Variants in PCDHA2 observed in about 807,000 individuals in gnomAD.
PCDHA2 encodes the protein protocadherin alpha 2.
A neutral mutation model predicts 66.0 loss-of-function variants in PCDHA2; 58 were observed. The observed-to-expected ratio is 0.88, with a 90% CI of 0.71 to 1.09. The LOEUF is 1.09. Ranked by LOEUF, PCDHA2 falls within the 50% of genes least tolerant of loss-of-function variation. The pLI, the probability that PCDHA2 is intolerant of heterozygous loss-of-function variation, is 0.00. For synonymous variants in PCDHA2, 634 were observed against 554.0 expected, an observed-to-expected ratio of 1.14 and a Z score of -2.03; for missense variants, 1,267 against 1,242.3, an observed-to-expected ratio of 1.02 and a Z score of -0.30.
chr5:140,849,741 G>A, intron 1 of PCDHA2: 2 of 1,598,488 alleles, frequency 1.3e-6, no homozygotes, highest in Non-Finnish European at 8.6e-7. Context: ...TCTGGACCGC[G>A]AGAGTGTGTC....
chr5:140,902,666 C>A (rs1554190555), intron 1 of PCDHA2, among the ~76,000 whole-genome samples: 1 of 152,122 alleles, frequency 6.6e-6, no homozygotes, highest in Non-Finnish European at 1.5e-5. Context: ...GTCACCCAAG[C>A]AGTGTACACC....
chr5:140,840,891 T>G (rs921088657), intron 1 of PCDHA2, among the ~76,000 whole-genome samples: 2 of 152,014 alleles, frequency 1.3e-5, no homozygotes, highest in Non-Finnish European at 2.9e-5. Flanking sequence ...CTGATATCCA[T>G]GACATACAGG....
chr5:140,915,252 GTTA>G (rs1291041483), intron 1 of PCDHA2, among the ~76,000 whole-genome samples: 2 of 152,012 alleles, frequency 1.3e-5, no homozygotes, highest in African/African-American at 4.8e-5. Flanking sequence ...TGGCCAGGTT[GTTA>G]TTATTTTTGA....
Position 140,797,292 on chromosome 5 carries a change from A to G in PCDHA2, c.2328A>G (p.Leu776=). The change falls in exon 1 of 4, where the codon TTA becomes TTG. Residue 776 remains leucine, a synonymous_variant. Coordinates refer to ENST00000526136, the MANE Select transcript of PCDHA2 (RefSeq NM_018905.3). The stretch of plus-strand genomic sequence containing the variant: ...ACCTCATGGCCTTCAGCCCTAGCTT[A>G]TCTCAAGGTCCAGACTCCGCAGAAG... The part of the protein sequence containing the change: ...KTDLMAFSPS[L]SQGPDSAEEK... 6.2e-7 allele frequency: 1 copy of G among 1,614,224 alleles called. No individual in the cohort carries two copies. Among genetic ancestry groups the G allele is most frequent in the Non-Finnish European group, 8.5e-7 (1 of 1,180,040 alleles).
chr5:140,845,305 G>A lies in PCDHA2; in HGVS notation c.2388+47953G>A, dbSNP rs2150378227. Among the ~76,000 whole-genome samples the A allele has an allele frequency of 3.4e-4, 51 of 149,092 alleles. 5 individuals carry two copies. The highest frequency in any genetic ancestry group is 6.7e-4 in the Non-Finnish European group (45 of 66,692). On this transcript the variant is annotated intron_variant, in intron 1 of 3. Transcript: ENST00000526136. ...TTCCTATCCTGTCTATGTCTACCTG[G>A]TTCTCAGGTATTACTTTAATTACTG...
At position 140,822,311 on chromosome 5, in the gene PCDHA2, T is replaced by C. The variant is rs2150115433; in HGVS notation, c.2388+24959T>C. The stretch of plus-strand genomic sequence containing the variant: ...TTAAATCCAAACGAATATTTTGACT[T>C]AGATGTTAAAACAAATGAAGAAGAA... On this transcript the variant is annotated intron_variant, in intron 1 of 3. Transcript: ENST00000526136. The C allele has an allele frequency of 1.5e-5, 24 of 1,614,190 alleles. 1 individual carries two copies. The South Asian group carries it at 2.6e-4, about 18-fold the overall frequency.
At chr5:140,814,732 A>G (rs1021205164) in intron 1 of PCDHA2, 1 of 152,210 alleles carries the variant, frequency 6.6e-6, no homozygotes, top group African/African-American at 2.4e-5. Flanking sequence ...TTTCAGCTCC[A>G]TTATAATCTT....
At chr5:140,820,623 T>A (rs1166296967) in intron 1 of PCDHA2, among the ~76,000 whole-genome samples, 9 of 152,042 alleles carry the variant, frequency 5.9e-5, no homozygotes, top group Admixed American at 5.9e-4. Context: ...AATCATACCA[T>A]CCAGTAAACA....
At chr5:140,833,531 T>G (rs1772504047) in intron 1 of PCDHA2, among the ~76,000 whole-genome samples, 1 of 152,126 alleles carries the variant, frequency 6.6e-6, no homozygotes, top group Admixed American at 6.6e-5. Context: ...AACACACAAG[T>G]GTTCGAAAGG....
chr5:140,858,397 C>A, intron 1 of PCDHA2: 1 of 1,573,182 alleles, frequency 6.4e-7, no homozygotes, highest in Non-Finnish European at 8.7e-7. Flanking sequence ...TAGATGTGGA[C>A]GGGGAAGATC....
chr5:140,904,287 G>A (rs2071024041), intron 1 of PCDHA2, among the ~76,000 whole-genome samples: 1 of 151,908 alleles, frequency 6.6e-6, no homozygotes, highest in Non-Finnish European at 1.5e-5. Context: ...TGTGGTGTTT[G>A]GTTTTCCATT....
At chr5:140,808,591 C>T (rs1554124643) in intron 1 of PCDHA2, 1 of 1,613,990 alleles carries the variant, frequency 6.2e-7, no homozygotes. Context: ...AGGAGAACAA[C>T]CCGCCGGGCT....
chr5:140,823,200 G>C, intron 1 of PCDHA2: 3 of 1,613,866 alleles, frequency 1.9e-6, no homozygotes, highest in Admixed American at 1.7e-5. Context: ...ACATCTTCAC[G>C]GTGTCTGCAC....
At chr5:140,826,048 C>T (rs1415056920) in intron 1 of PCDHA2, among the ~76,000 whole-genome samples, 1 of 152,112 alleles carries the variant, frequency 6.6e-6, no homozygotes, top group South Asian at 2.1e-4. Flanking sequence ...TGTTGCTTTG[C>T]CTGTTTCTTT....
chr5:140,843,112 G>T lies in PCDHA2; in HGVS notation c.2388+45760G>T, dbSNP rs1581030644. 3.1e-6 allele frequency: 5 copies of T among 1,595,864 alleles called. 1 individual carries two copies. The highest frequency in any genetic ancestry group is 1.7e-4 in the Middle Eastern group (1 of 5,904). On this transcript the variant is annotated intron_variant, in intron 1 of 3. Coordinates refer to ENST00000526136, the MANE Select transcript of PCDHA2 (RefSeq NM_018905.3). Reference sequence around the variant, plus strand: ...ACGTGGTAGCGAAGGTGCGCGCAGTGGACGCCGACTCGGGCTACAACGCGT... The same window carrying T: ...ACGTGGTAGCGAAGGTGCGCGCAGTTGACGCCGACTCGGGCTACAACGCGT...
chr5:140,800,568 G>A (rs1762574366), intron 1 of PCDHA2, among the ~76,000 whole-genome samples: 1 of 152,140 alleles, frequency 6.6e-6, no homozygotes, highest in Non-Finnish European at 1.5e-5. Flanking sequence ...ATGTAACTTG[G>A]GTGGTAAAGA....
At position 140,797,163 on chromosome 5, in the gene PCDHA2, G is replaced by T. The variant is rs146821058; in HGVS notation, c.2199G>T (p.Ala733=). The T allele has an allele frequency of 2.4e-4, 381 of 1,614,050 alleles. 1 individual carries two copies. In the African/African-American group the frequency reaches 4.2e-3, roughly 18 times the overall value. Residue 733 remains alanine (A), a synonymous_variant, in exon 1 of 4, where the codon GCG becomes GCT. Coordinates refer to ENST00000526136, the MANE Select transcript of PCDHA2 (RefSeq NM_018905.3). ...TGCCACCCACCGAGGGTGCGCGCGC[G>T]CCAGGAAAGCCCACGCTGGTGTGCT... ...CSVPPTEGAR[A]PGKPTLVCSS...
At chr5:140,949,783 G>A (rs1181020228) in intron 1 of PCDHA2, among the ~76,000 whole-genome samples, 1 of 151,784 alleles carries the variant, frequency 6.6e-6, no homozygotes, top group Non-Finnish European at 1.5e-5. Context: ...GATATGTTTA[G>A]ATTTGTGTCC....
At chr5:140,995,546 C>T (rs2097688546) in intron 3 of PCDHA2, among the ~76,000 whole-genome samples, 1 of 152,184 alleles carries the variant, frequency 6.6e-6, no homozygotes, top group African/African-American at 2.4e-5. Context: ...AAGGGGCGAT[C>T]ACTGTACTGA....
Sources: gnomAD v4.1 joint callset for allele counts (sites outside exome capture counted in the v4.1 genomes callset) on GRCh38, gnomAD v4.1.1 for gene constraint, MANE v1.5 for transcripts, NCBI Gene and HGNC (gene_info 2026-07-23, HGNC 2026-07-21) for gene names.